The following COP1 variants were observed in gnomAD, a reference collection of about 807,000 sequenced individuals.
COP1 encodes E3 ubiquitin-protein ligase COP1.
In COP1, 24 loss-of-function variants were observed where a neutral mutation model predicts 101.3. The observed-to-expected ratio is 0.24, with a 90% confidence interval of 0.17 to 0.33. COP1 has a LOEUF of 0.33. COP1 is among the 10% of genes least tolerant of loss of function. The probability of loss-of-function intolerance (pLI) is 1.00; values close to 1 mark genes in which losing one functional copy is unlikely to be tolerated. For missense variants in COP1, 663 were observed against 906.2 expected (o/e 0.73, Z 3.45); for synonymous variants, 347 against 341.9 (o/e 1.01, Z -0.17).
chr1:176,003,907 T>C (rs1388295763), intron 15 of COP1, among the ~76,000 whole-genome samples: 1 of 152,132 alleles, frequency 6.6e-6, no homozygotes, highest in African/African-American at 2.4e-5. Context: ...GGTAGCTTGA[T>C]GGGGATGGCA....
At chr1:176,191,882 G>A (rs183748838) in intron 1 of COP1, among the ~76,000 whole-genome samples, 2 of 152,230 alleles carry the variant, frequency 1.3e-5, no homozygotes, top group Admixed American at 6.5e-5. Context: ...ATAAGGAGAC[G>A]AGAGGTAAGG....
chr1:176,003,703 G>A (rs1015898378), intron 15 of COP1, among the ~76,000 whole-genome samples: 11 of 152,072 alleles, frequency 7.2e-5, no homozygotes, highest in African/African-American at 2.7e-4. Flanking sequence ...CTGTTCCATT[G>A]ATCTATATTT....
intron 5 of COP1, among the ~76,000 whole-genome samples, chr1:176,160,776 G>C (rs1451600199): frequency 6.6e-6 from 1 of 152,170 alleles, no homozygotes; most frequent in Non-Finnish European, 1.5e-5. Flanking sequence ...AGAAACAACA[G>C]ATGCTGACGA....
chr1:175,946,627 C>T (rs1649203166), intron 19 of COP1, among the ~76,000 whole-genome samples: 1 of 152,172 alleles, frequency 6.6e-6, no homozygotes, highest in Non-Finnish European at 1.5e-5. Context: ...ATGCATCAAT[C>T]AATTTTCTTT....
chr1:176,194,037 T>C (rs746479978), intron 1 of COP1, among the ~76,000 whole-genome samples: 16 of 152,250 alleles, frequency 1.1e-4, no homozygotes, highest in Non-Finnish European at 1.6e-4. Flanking sequence ...AAATACACTA[T>C]TGCAAAATTT....
At chr1:176,183,857 T>G (rs1177785329) in intron 2 of COP1, among the ~76,000 whole-genome samples, 1 of 152,124 alleles carries the variant, frequency 6.6e-6, no homozygotes, top group Non-Finnish European at 1.5e-5. Flanking sequence ...AGACAAATAC[T>G]TCTACTTATT....
intron 8 of COP1, among the ~76,000 whole-genome samples, chr1:176,130,999 G>A (rs1688791058): frequency 6.6e-6 from 1 of 151,746 alleles, no homozygotes; most frequent in Admixed American, 6.6e-5. Flanking sequence ...GACCCTATAG[G>A]TTTGGGGTCT....
chr1:176,113,471 A>C (rs564010928), intron 9 of COP1, among the ~76,000 whole-genome samples: 37 of 152,230 alleles, frequency 2.4e-4, no homozygotes, highest in African/African-American at 8.4e-4. Context: ...ATCTGCCAAC[A>C]TTTTCTCACA....
intron 15 of COP1, among the ~76,000 whole-genome samples, chr1:176,005,946 G>T (rs1339079830): frequency 6.6e-6 from 1 of 152,156 alleles, no homozygotes; most frequent in Middle Eastern, 3.4e-3. Context: ...GTTGACAGTG[G>T]GGTGTTAAAT....
chr1:175,949,488 A>C (rs1227006811), intron 18 of COP1, among the ~76,000 whole-genome samples: 1 of 152,184 alleles, frequency 6.6e-6, no homozygotes, highest in Non-Finnish European at 1.5e-5. Context: ...TGTGTGGTGC[A>C]ATATGGATTT....
intron 11 of COP1, among the ~76,000 whole-genome samples, chr1:176,067,695 T>C (rs1676244362): frequency 6.6e-6 from 1 of 152,198 alleles, no homozygotes; most frequent in Non-Finnish European, 1.5e-5. Context: ...CCAATTTTTC[T>C]GGTACACCAA....
intron 9 of COP1, among the ~76,000 whole-genome samples, chr1:176,115,186 C>T (rs941175428): frequency 6.6e-6 from 1 of 152,164 alleles, no homozygotes; most frequent in Non-Finnish European, 1.5e-5. Flanking sequence ...TGGTGGCTCA[C>T]GCCTGTAATC....
intron 6 of COP1, among the ~76,000 whole-genome samples, chr1:176,141,821 C>G (rs1009250842): frequency 3.3e-5 from 5 of 151,954 alleles, no homozygotes; most frequent in Middle Eastern, 3.4e-3. Flanking sequence ...GCCTCTGCCT[C>G]CTAGGCTCAA....
intron 5 of COP1, among the ~76,000 whole-genome samples, chr1:176,159,753 G>A (rs1329234639): frequency 1.3e-5 from 2 of 152,108 alleles, no homozygotes; most frequent in African/African-American, 2.4e-5. Context: ...TACTTTATAT[G>A]GTTGTAGATA....
chr1:175,957,960 G>A (rs1224447510), intron 18 of COP1, among the ~76,000 whole-genome samples: 2 of 152,072 alleles, frequency 1.3e-5, no homozygotes, highest in Non-Finnish European at 2.9e-5. Context: ...TGAAATCCTA[G>A]AATAAGCAAA....
At chr1:175,947,369 A>ATT in intron 18 of COP1, 130 bp from the exon 19 acceptor site, 4 of 643,640 alleles carry the variant, frequency 6.2e-6, no homozygotes, top group Non-Finnish European at 5.5e-6. Flanking sequence ...ATGAAGATAC[A>ATT]ATTTTTTTTT....
intron 1 of COP1, among the ~76,000 whole-genome samples, chr1:176,193,746 G>C (rs1699354445): frequency 6.6e-6 from 1 of 152,122 alleles, no homozygotes; most frequent in South Asian, 2.1e-4. Context: ...GAAGTGTCTG[G>C]AATAGGTAAA....
intron 11 of COP1, among the ~76,000 whole-genome samples, chr1:176,066,525 T>C (rs1020305925): frequency 8.5e-5 from 13 of 152,164 alleles, no homozygotes; most frequent in African/African-American, 2.9e-4. Context: ...GGAGATCAAA[T>C]TTTTTAAAGT....
intron 7 of COP1, 80 bp downstream of exon 7, chr1:176,136,408 A>G (rs1486566849): frequency 1.1e-6 from 1 of 914,414 alleles, no homozygotes; most frequent in African/African-American, 1.7e-5. Context: ...CATAAACTTA[A>G]CACAGCAACT....
Sources: allele counts gnomAD v4.1 joint callset (sites outside exome capture counted in the v4.1 genomes callset), GRCh38; gene constraint gnomAD v4.1.1; transcripts MANE v1.5; gene names NCBI Gene and HGNC (gene_info 2026-07-23, HGNC 2026-07-21).